DIAPH2: variants seen among roughly 807,000 people sequenced by gnomAD.
The protein encoded by DIAPH2 is diaphanous related formin 2.
DIAPH2 carries 35 observed loss-of-function variants against 92.7 expected under a neutral mutation model. The observed-to-expected ratio is 0.38, with a 90% CI of 0.29 to 0.50. The LOEUF (loss-of-function observed/expected upper bound fraction) is 0.50. Among genes scored for constraint, DIAPH2 ranks in the 20% least tolerant of loss-of-function variants. The pLI is 0.94. For missense variants in DIAPH2, 701 were observed against 819.5 expected, an observed-to-expected ratio of 0.86 and a Z score of 1.77; for synonymous variants, 301 against 280.4, an observed-to-expected ratio of 1.07 and a Z score of -0.73.
At chrX:97,084,165 T>C (rs2066767274) in intron 19 of DIAPH2, among the ~76,000 whole-genome samples, 1 of 111,272 alleles carries the variant, frequency 9.0e-6, no homozygotes. Flanking sequence ...CGACTTCTTC[T>C]CTGAAGTGAA....
chrX:96,985,560 A>G (rs756066776), intron 17 of DIAPH2, among the ~76,000 whole-genome samples: 1 of 110,942 alleles, frequency 9.0e-6, no homozygotes, highest in East Asian at 2.8e-4. Flanking sequence ...GGAATGATTC[A>G]GAATTCCTTT....
At chrX:97,425,951 G>T (rs1484229749) in intron 25 of DIAPH2, among the ~76,000 whole-genome samples, 1 of 109,316 alleles carries the variant, frequency 9.1e-6, no homozygotes, top group African/African-American at 3.3e-5. Context: ...ACTTTTTCAG[G>T]GTAGGTAATC....
chrX:96,976,898 A>C (rs1229080624), intron 17 of DIAPH2, among the ~76,000 whole-genome samples: 1 of 111,549 alleles, frequency 9.0e-6, no homozygotes. Context: ...TTCATATCAT[A>C]CCAACCTCAT....
intron 25 of DIAPH2, among the ~76,000 whole-genome samples, chrX:97,402,790 G>T (rs753575372): frequency 3.6e-5 from 4 of 111,968 alleles, no homozygotes; most frequent in Non-Finnish European, 7.5e-5. Context: ...TCCTTTATAT[G>T]ATTTTATAAA....
chrX:97,568,590 G>A (rs940000660), intron 26 of DIAPH2, among the ~76,000 whole-genome samples: 4 of 111,486 alleles, frequency 3.6e-5, no homozygotes, highest in Admixed American at 1.9e-4. Context: ...ATATTTTAAG[G>A]TGGGGGCAAA....
intron 4 of DIAPH2, among the ~76,000 whole-genome samples, chrX:96,836,007 G>A (rs1012753889): frequency 9.0e-6 from 1 of 110,516 alleles, no homozygotes; most frequent in African/African-American, 3.3e-5. Flanking sequence ...TAGAGACAGG[G>A]TTTCCCCATG....
chrX:96,863,077 T>A, intron 4 of DIAPH2, among the ~76,000 whole-genome samples: 1 of 110,287 alleles, frequency 9.1e-6, no homozygotes, highest in Middle Eastern at 4.6e-3. Context: ...TAAATGTCTG[T>A]CTATAAAGAT....
intron 4 of DIAPH2, among the ~76,000 whole-genome samples, chrX:96,845,657 G>C (rs1250646575): frequency 8.9e-6 from 1 of 112,517 alleles, no homozygotes; most frequent in Non-Finnish European, 1.9e-5. Flanking sequence ...TGGCATTCTT[G>C]ACAAAGATAT....
chrX:96,914,473 A>G (rs1366944667), intron 7 of DIAPH2, among the ~76,000 whole-genome samples: 1 of 111,444 alleles, frequency 9.0e-6, no homozygotes, highest in Non-Finnish European at 1.9e-5. Flanking sequence ...GTTCCTAATA[A>G]GTTGTGTGGC....
chrX:97,366,822 G>A (rs774184150), intron 24 of DIAPH2, among the ~76,000 whole-genome samples: 43 of 111,185 alleles, frequency 3.9e-4, no homozygotes, highest in Non-Finnish European at 6.4e-4. Flanking sequence ...TAAGTTTCAC[G>A]GGATAAAATT....
chrX:97,476,968 A>AAAT lies in DIAPH2; in HGVS notation c.3241+47224_3241+47225insATA, dbSNP rs2070611218. Among the ~76,000 whole-genome samples the AAAT allele has an allele frequency of 8.0e-4, 27 of 33,598 alleles. 4 individuals carry two copies. Among genetic ancestry groups the AAAT allele is most frequent in the Non-Finnish European group, 1.0e-3 (20 of 19,363 alleles). The allele number at this position is 33,598 out of a possible 115,157, so 29.2% of individuals were successfully genotyped here. ...TCAAAAAAAAAAAAAAAAAAAAAAA[A>AAAT]ATATATATATATATATACACACACA... is the stretch of plus-strand genomic sequence containing the variant. On this transcript the variant is annotated intron_variant, in intron 26 of 26. Transcript: ENST00000324765.
chrX:96,844,938 T>A (rs2098159889), intron 4 of DIAPH2, among the ~76,000 whole-genome samples: 1 of 112,009 alleles, frequency 8.9e-6, no homozygotes, highest in Admixed American at 9.5e-5. Flanking sequence ...ATATGAAAAA[T>A]AATATTTTAT....
Position 96,733,426 on chromosome X carries a change from C to T in DIAPH2, c.133-2332C>T, listed in dbSNP as rs748217106. 5.4e-5 allele frequency among the ~76,000 whole-genome samples: 6 copies of T among 110,835 alleles called. No homozygotes were observed. In the South Asian group the frequency reaches 2.0e-3, roughly 36 times the overall value. On this transcript the variant is annotated intron_variant, in intron 1 of 26. Coordinates refer to ENST00000324765, the MANE Select transcript of DIAPH2 (RefSeq NM_006729.5). ...AGCCAGTGCATGTGGCTTATTGCCT[C>T]ATTGGGGAGCCGTGAAGTGGTCAGT...
chrX:97,001,977 G>A, intron 17 of DIAPH2, among the ~76,000 whole-genome samples: 1 of 110,424 alleles, frequency 9.1e-6, no homozygotes, highest in Non-Finnish European at 1.9e-5. Context: ...AGATCAGACA[G>A]AGAAGTAATA....
intron 23 of DIAPH2, among the ~76,000 whole-genome samples, chrX:97,321,796 G>T (rs1246211479): frequency 9.0e-6 from 1 of 110,520 alleles, no homozygotes; most frequent in Non-Finnish European, 1.9e-5. Context: ...TGATCCGCCC[G>T]CCTCGGCCTC....
intron 4 of DIAPH2, among the ~76,000 whole-genome samples, chrX:96,881,251 C>T (rs1306552017): frequency 1.8e-5 from 2 of 111,097 alleles, no homozygotes; most frequent in Admixed American, 9.6e-5. Flanking sequence ...AATGCTTATC[C>T]TCTGGGTTAA....
chrX:97,578,097 T>C (rs1222173529), intron 26 of DIAPH2, among the ~76,000 whole-genome samples: 1 of 103,899 alleles, frequency 9.6e-6, no homozygotes, highest in East Asian at 2.9e-4. Flanking sequence ...TTCTTTCTTT[T>C]TTTTTTTTTT....
intron 22 of DIAPH2, among the ~76,000 whole-genome samples, chrX:97,235,059 T>A (rs2068037576): frequency 8.9e-6 from 1 of 112,588 alleles, no homozygotes; most frequent in Non-Finnish European, 1.9e-5. Flanking sequence ...GGGCCTTTTA[T>A]TCATCTTTGC....
chrX:97,434,163 G>T (rs769028185), intron 26 of DIAPH2, among the ~76,000 whole-genome samples: 17 of 111,584 alleles, frequency 1.5e-4, no homozygotes, highest in Non-Finnish European at 3.2e-4. Flanking sequence ...ATCAGGGAGT[G>T]CTTGAATGAG....
Sources: allele counts gnomAD v4.1 joint callset (sites outside exome capture counted in the v4.1 genomes callset), GRCh38; gene constraint gnomAD v4.1.1; transcripts MANE v1.5; gene names NCBI Gene and HGNC (gene_info 2026-07-23, HGNC 2026-07-21).